Variants in RGSL1 observed in about 807,000 individuals in gnomAD.
RGSL1 encodes regulator of G protein signaling protein-like.
A neutral mutation model predicts 124.7 loss-of-function variants in RGSL1; 97 were observed. That is an observed-to-expected ratio of 0.78 (90% CI 0.66 to 0.92). The LOEUF (loss-of-function observed/expected upper bound fraction) is 0.92, where lower values mean the gene tolerates loss of function less well. Among genes scored for constraint, RGSL1 ranks in the 40% least tolerant of loss-of-function variants. RGSL1 has a pLI of 0.00. For synonymous variants in RGSL1, 424 were observed against 438.1 expected, an observed-to-expected ratio of 0.97 and a Z score of 0.40; for missense variants, 1,233 against 1,288.4, an observed-to-expected ratio of 0.96 and a Z score of 0.66.
At position 182,488,989 on chromosome 1, in the gene RGSL1, A is replaced by C. The variant is rs892079798; in HGVS notation, c.1504A>C (p.Arg502=). ...CACCCTCTTCTCTTAGACACAGAAC[A>C]GGTTCATCAGCTCCAGACAGCATAA... is the stretch of plus-strand genomic sequence containing the variant. ...YWFLLFTTQN[R]FISSRQHKRE... The change falls in exon 8 of 22, where the codon AGG becomes CGG. Residue 502 remains arginine, a synonymous_variant. Coordinates refer to ENST00000294854, the MANE Select transcript of RGSL1 (RefSeq NM_001137669.2). 6.4e-7 allele frequency: 1 copy of C among 1,550,594 alleles called. No individual in the cohort carries two copies. Among genetic ancestry groups the C allele is most frequent in the Middle Eastern group, 1.9e-4 (1 of 5,144 alleles).
chr1:182,548,107 C>T (rs1660331268), intron 15 of RGSL1, among the ~76,000 whole-genome samples: 1 of 152,150 alleles, frequency 6.6e-6, no homozygotes, highest in Non-Finnish European at 1.5e-5. Flanking sequence ...TGAAGACATT[C>T]ACTTGAAGGG....
At chr1:182,532,878 C>A in intron 14 of RGSL1, 87 bp downstream of exon 14, 1 of 1,400,770 alleles carries the variant, frequency 7.1e-7, no homozygotes, top group Non-Finnish European at 9.7e-7. Context: ...TGCTTTGTGT[C>A]ATGCCTGCGG....
intron 6 of RGSL1, among the ~76,000 whole-genome samples, chr1:182,476,594 C>T (rs1304561245): frequency 6.6e-6 from 1 of 152,136 alleles, no homozygotes; most frequent in Non-Finnish European, 1.5e-5. Context: ...ATTTACATGC[C>T]AACCACAGTG....
intron 6 of RGSL1, among the ~76,000 whole-genome samples, chr1:182,485,353 T>C (rs941133222): frequency 4.6e-5 from 7 of 152,206 alleles, no homozygotes; most frequent in African/African-American, 1.7e-4. Flanking sequence ...TTTTAACTTT[T>C]ATTAGAATGT....
At chr1:182,456,299 CTT>C (rs113276872) in intron 2 of RGSL1, among the ~76,000 whole-genome samples, 34 of 141,764 alleles carry the variant, frequency 2.4e-4, no homozygotes, top group African/African-American at 4.1e-4. Context: ...CAGAAGTAAT[CTT>C]TTTTTTTTTT....
chr1:182,532,831 T>A, intron 14 of RGSL1, 40 bp downstream of exon 14: 2 of 1,533,550 alleles, frequency 1.3e-6, no homozygotes, highest in Non-Finnish European at 1.8e-6. Context: ...CCTGTTGATA[T>A]TTTAGCCATG....
At position 182,533,724 on chromosome 1, in the gene RGSL1, A is replaced by T. The variant is rs190380584; in HGVS notation, c.2494+933A>T. 8.9e-4 allele frequency among the ~76,000 whole-genome samples: 135 copies of T among 152,348 alleles called. 2 individuals are homozygous for T. In the East Asian group the frequency reaches 0.023, roughly 26 times the overall value. On this transcript the variant is annotated intron_variant, in intron 14 of 21. Transcript: ENST00000294854. Reference sequence around the variant, plus strand: ...AGGGTTATTAGAACTATGCTTGGCAATAGCACATGCTATAAGAGGGTTAGC... The same window carrying T: ...AGGGTTATTAGAACTATGCTTGGCATTAGCACATGCTATAAGAGGGTTAGC...
chr1:182,485,712 CTA>C (rs1655047773), intron 6 of RGSL1, among the ~76,000 whole-genome samples: 1 of 152,132 alleles, frequency 6.6e-6, no homozygotes, highest in African/African-American at 2.4e-5. Flanking sequence ...CCTGCTCAGT[CTA>C]TTGCAAGGTT....
intron 8 of RGSL1, among the ~76,000 whole-genome samples, chr1:182,492,357 C>A (rs1655591452): frequency 6.6e-6 from 1 of 152,174 alleles, no homozygotes; most frequent in Admixed American, 6.5e-5. Flanking sequence ...AATCCCTCAA[C>A]AGATGGATGC....
intron 15 of RGSL1, among the ~76,000 whole-genome samples, chr1:182,542,890 T>C (rs989177885): frequency 6.6e-6 from 1 of 152,168 alleles, no homozygotes; most frequent in African/African-American, 2.4e-5. Context: ...CTTCTGATTT[T>C]CACATGTTGA....
Position 182,530,265 on chromosome 1 carries a change from C to T in RGSL1, c.2147C>T (p.Ala716Val). ...CTAGAAGAAATGCTGCAGTGTGATG[C>T]CCCTATTATCAAAGAAATCGCTTCC... is the stretch of plus-strand genomic sequence containing the variant. ...LSPEEMLQCDAPIIKEIASMR... is the reference protein window; with the variant it reads ...LSPEEMLQCDVPIIKEIASMR... Residue 716 changes from alanine (A) to valine (V), a missense_variant, in exon 12 of 22, where the codon GCC (alanine) becomes GTC (valine). Transcript: ENST00000294854. 2 of 1,550,668 alleles carry T rather than the reference C, an allele frequency of 1.3e-6. No homozygotes were observed. The highest frequency in any genetic ancestry group is 1.2e-5 in the South Asian group (1 of 84,018).
intron 21 of RGSL1, among the ~76,000 whole-genome samples, chr1:182,557,960 G>A (rs1302107311): frequency 6.6e-6 from 1 of 152,108 alleles, no homozygotes; most frequent in East Asian, 1.9e-4. Context: ...GGTAGAGACT[G>A]TGGTGAACTG....
chr1:182,558,705 T>C (rs958277617), intron 21 of RGSL1, among the ~76,000 whole-genome samples: 2 of 152,170 alleles, frequency 1.3e-5, no homozygotes, highest in African/African-American at 4.8e-5. Flanking sequence ...CAATGGTGGG[T>C]CAAGTCCTGC....
At chr1:182,554,253 T>C (rs1660731675) in intron 19 of RGSL1, among the ~76,000 whole-genome samples, 1 of 152,220 alleles carries the variant, frequency 6.6e-6, no homozygotes, top group African/African-American at 2.4e-5. Context: ...TGTTTCCTCA[T>C]TGCTTCATGG....
At chr1:182,538,347 G>C (rs1659676939) in intron 14 of RGSL1, among the ~76,000 whole-genome samples, 1 of 152,020 alleles carries the variant, frequency 6.6e-6, no homozygotes, top group Non-Finnish European at 1.5e-5. Flanking sequence ...GACCAATATG[G>C]TGACACTCCG....
intron 9 of RGSL1, among the ~76,000 whole-genome samples, chr1:182,501,344 G>A (rs1162990653): frequency 6.6e-5 from 4 of 60,490 alleles, no homozygotes; most frequent in African/African-American, 2.5e-4. Flanking sequence ...TTTTGAGACA[G>A]AGTCTTGCTC....
At chr1:182,488,233 GC>G in intron 6 of RGSL1, 51 bp from the exon 7 acceptor site, 1 of 1,507,018 alleles carries the variant, frequency 6.6e-7, no homozygotes, top group Non-Finnish European at 9.0e-7. Context: ...CAGGAAAGAT[GC>G]AGCAAGCTGA....
At chr1:182,544,262 T>C (rs944980788) in intron 15 of RGSL1, among the ~76,000 whole-genome samples, 1 of 152,134 alleles carries the variant, frequency 6.6e-6, no homozygotes, top group Non-Finnish European at 1.5e-5. Flanking sequence ...GACCCATTGG[T>C]CATTCAGGAG....
chr1:182,459,980 G>T, intron 3 of RGSL1, 24 bp from the exon 4 acceptor site: 1 of 1,542,812 alleles, frequency 6.5e-7, no homozygotes, highest in South Asian at 1.2e-5. Flanking sequence ...TAGCATTTTT[G>T]TTTCTATTTT....
Sources: allele counts gnomAD v4.1 joint callset (sites outside exome capture counted in the v4.1 genomes callset), GRCh38; gene constraint gnomAD v4.1.1; transcripts MANE v1.5; gene names NCBI Gene and HGNC (gene_info 2026-07-23, HGNC 2026-07-21).